The following RHD variants were observed in gnomAD, a reference collection of about 807,000 sequenced individuals.
RHD encodes Rh blood group D antigen.
Under a neutral mutation model 45.5 loss-of-function variants are expected in RHD, and 16 were observed. That is an observed-to-expected ratio of 0.35 (90% CI 0.24 to 0.53). The LOEUF (loss-of-function observed/expected upper bound fraction) is 0.53, where lower values mean the gene tolerates loss of function less well. Ranked by LOEUF, RHD falls within the 20% of genes least tolerant of loss-of-function variation. RHD has a pLI of 0.92. For missense variants in RHD, 306 were observed against 532.0 expected, an observed-to-expected ratio of 0.58 and a Z score of 4.18; for synonymous variants, 131 against 217.5, an observed-to-expected ratio of 0.60 and a Z score of 3.50.
At position 25,276,295 on chromosome 1, in the gene RHD, G is replaced by T. The variant is rs541131205; in HGVS notation, c.148+3600G>T. ...GCCAGAAAAAAGAAAAAGTACAGAA[G>T]GATTATAGAAACAAGATTGGTCTCA... On this transcript the variant is annotated intron_variant, in intron 1 of 9. Coordinates refer to ENST00000328664, the MANE Select transcript of RHD (RefSeq NM_016124.6). Among the ~76,000 whole-genome samples, 25 of 129,282 alleles carry T rather than the reference G, an allele frequency of 1.9e-4. 10 individuals are homozygous for T. Among genetic ancestry groups the T allele is most frequent in the Non-Finnish European group, 3.8e-4 (21 of 55,236 alleles). 84.8% of individuals were successfully genotyped at this position (129,282 alleles called of 152,430 possible).
chr1:25,297,170 G>T, intron 3 of RHD, among the ~76,000 whole-genome samples: 1 of 94,152 alleles, frequency 1.1e-5, no homozygotes, highest in South Asian at 3.3e-4. Flanking sequence ...TATCTTTCAT[G>T]ACCTTGACAT....
At position 25,329,686 on chromosome 1, in the gene RHD, A is replaced by T. The variant is rs1400326814; in HGVS notation, c.*762A>T. On this transcript the variant is annotated 3_prime_UTR_variant, in exon 10 of 10. Transcript: ENST00000328664. ...CTTTTTTTTTTTGAAACGGAGTCTC[A>T]CTCTGTCACCAGGCTGGAGTGCAGT... is the stretch of plus-strand genomic sequence containing the variant. 3 of 127,868 alleles carry T rather than the reference A, an allele frequency of 2.3e-5. 1 individual carries two copies. The highest frequency in any genetic ancestry group is 8.0e-5 in the African/African-American group (3 of 37,322). The allele number at this position is 127,868 out of a possible 1,614,324, so 7.9% of individuals were successfully genotyped here. A position where few individuals can be genotyped will look rare whatever the true frequency, so the allele number is the denominator to read the frequency against.
Position 25,279,930 on chromosome 1 carries a change from T to G in RHD, c.149-4643T>G, listed in dbSNP as rs1349151042. 3.1e-5 allele frequency among the ~76,000 whole-genome samples: 4 copies of G among 127,724 alleles called. No individual in the cohort carries two copies. In the East Asian group the frequency reaches 7.8e-4, roughly 25 times the overall value. The allele number at this position is 127,724 out of a possible 152,430, so 83.8% of individuals were successfully genotyped here. A position where few individuals can be genotyped will look rare whatever the true frequency, so the allele number is the denominator to read the frequency against. Reference sequence around the variant, plus strand: ...GCTGATGTGAGTGCAGAGCAGACTGTGAGAGGTGGAGGCTGATACCAGTGA... The same window carrying G: ...GCTGATGTGAGTGCAGAGCAGACTGGGAGAGGTGGAGGCTGATACCAGTGA... On this transcript the variant is annotated intron_variant, in intron 1 of 9. Transcript: ENST00000328664.
At chr1:25,303,754 C>A (rs112222730) in intron 6 of RHD, among the ~76,000 whole-genome samples, 3,890 of 130,736 alleles carry the variant, frequency 0.03, 661 homozygotes, top group African/African-American at 0.093. Context: ...TGGGGAGCCC[C>A]GAAGCCCCTG....
chr1:25,285,653 G>C (rs535952424), intron 2 of RHD, among the ~76,000 whole-genome samples: 1 of 135,304 alleles, frequency 7.4e-6, no homozygotes, highest in Non-Finnish European at 1.8e-5. Context: ...CAAAATAACC[G>C]CATGGGGTGC....
At chr1:25,287,092 C>CAAAAA (rs1642086477) in intron 2 of RHD, among the ~76,000 whole-genome samples, 1 of 134,918 alleles carries the variant, frequency 7.4e-6, no homozygotes, top group African/African-American at 2.6e-5. Flanking sequence ...GGCTCTGTCT[C>CAAAAA]AAAAACAAAA....
In RHD at chr1:25,315,454, G is replaced by C. The variant is rs1401121751; in HGVS notation, c.1074-1546G>C. Reference sequence around the variant, plus strand: ...CTGCACTCCCTACATGAGCAGCAGGGTGGCAACTCTTTTTATCTTTTTAAT... The same window carrying C: ...CTGCACTCCCTACATGAGCAGCAGGCTGGCAACTCTTTTTATCTTTTTAAT... On this transcript the variant is annotated intron_variant, in intron 7 of 9. Coordinates refer to ENST00000328664, the MANE Select transcript of RHD (RefSeq NM_016124.6). Among the ~76,000 whole-genome samples, 3 of 127,646 alleles carry C rather than the reference G, an allele frequency of 2.4e-5. 1 individual carries two copies. The highest frequency in any genetic ancestry group is 5.5e-5 in the Non-Finnish European group (3 of 54,370). The allele number at this position is 127,646 out of a possible 152,430, so 83.7% of individuals were successfully genotyped here. A position where few individuals can be genotyped will look rare whatever the true frequency, so the allele number is the denominator to read the frequency against.
At chr1:25,313,855 C>A (rs189754116) in intron 7 of RHD, among the ~76,000 whole-genome samples, 1 of 132,816 alleles carries the variant, frequency 7.5e-6, no homozygotes, top group Admixed American at 7.3e-5. Flanking sequence ...ATGAGATAAA[C>A]AACTTTGGCC....
intron 3 of RHD, among the ~76,000 whole-genome samples, chr1:25,296,614 C>T (rs72660911): frequency 7.6e-6 from 1 of 131,616 alleles, no homozygotes; most frequent in East Asian, 2.0e-4. Context: ...GTAATCCCCA[C>T]GTGTTGAGGG....
chr1:25,306,343 C>G (rs1643832643), intron 6 of RHD, among the ~76,000 whole-genome samples: 1 of 131,990 alleles, frequency 7.6e-6, no homozygotes, highest in African/African-American at 2.6e-5. Flanking sequence ...CGTAGACCAG[C>G]AGCATTGGCA....
In RHD at chr1:25,328,937, A is replaced by C. The variant is rs759458425; in HGVS notation, c.*13A>C. On this transcript the variant is annotated 3_prime_UTR_variant, in exon 10 of 10. Coordinates refer to ENST00000328664, the MANE Select transcript of RHD (RefSeq NM_016124.6). ...TGTTGGATTTTAAGCAAAAGCATCC[A>C]AGAAAAACAAGGCCTGTTCAAAAAC... The C allele has an allele frequency of 3.8e-5, 50 of 1,315,772 alleles. 10 individuals are homozygous for C. In the Admixed American group the frequency reaches 8.4e-4, roughly 22 times the overall value. 81.5% of individuals were successfully genotyped at this position (1,315,772 alleles called of 1,614,324 possible).
intron 1 of RHD, among the ~76,000 whole-genome samples, chr1:25,276,600 G>A (rs1641019497): frequency 8.1e-6 from 1 of 123,488 alleles, no homozygotes; most frequent in African/African-American, 2.9e-5. Context: ...TATAGTCCCA[G>A]CTACTCAGTA....
In RHD at chr1:25,297,713, A is replaced by T. The variant is rs1282298884; in HGVS notation, c.487-3233A>T. Among the ~76,000 whole-genome samples the T allele has an allele frequency of 2.3e-5, 3 of 132,032 alleles. 1 individual carries two copies. 86.6% of individuals were successfully genotyped at this position (132,032 alleles called of 152,430 possible). The stretch of plus-strand genomic sequence containing the variant: ...CATTTTCTGCCTTTTCTCTCTGCTT[A>T]ATATAAGGATTAATGAGAACTCCCT... On this transcript the variant is annotated intron_variant, in intron 3 of 9. Transcript: ENST00000328664.
chr1:25,319,116 G>A (rs1644564377), intron 8 of RHD, among the ~76,000 whole-genome samples: 1 of 132,452 alleles, frequency 7.5e-6, no homozygotes, highest in South Asian at 2.3e-4. Context: ...TGGCAACCCT[G>A]TCCTGGGACT....
chr1:25,282,455 G>A lies in RHD; in HGVS notation c.149-2118G>A, dbSNP rs568581465. On this transcript the variant is annotated intron_variant, in intron 1 of 9. Coordinates refer to ENST00000328664, the MANE Select transcript of RHD (RefSeq NM_016124.6). ...TCACCATGTTGGCCAGGCTAGTCTCGAACTGCTGACTTCATGATCTGCCCA... is the reference window on the plus strand; with the variant it reads ...TCACCATGTTGGCCAGGCTAGTCTCAAACTGCTGACTTCATGATCTGCCCA... 2.7e-4 allele frequency among the ~76,000 whole-genome samples: 35 copies of A among 130,880 alleles called. 9 individuals are homozygous for A. Among genetic ancestry groups the A allele is most frequent in the Non-Finnish European group, 6.1e-4 (34 of 55,448 alleles). 85.9% of individuals were successfully genotyped at this position (130,880 alleles called of 152,430 possible).
Position 25,301,110 on chromosome 1 carries a change from G to C in RHD, c.634+17G>C. On this transcript the variant is annotated intron_variant, in intron 4 of 9. Coordinates refer to ENST00000328664, the MANE Select transcript of RHD (RefSeq NM_016124.6). ...CCATGCTGGGTAAGGACAAGGTGGG[G>C]TGAGTGGTCTCCTACTTGGGCTGAG... 1 of 1,374,436 alleles carries C rather than the reference G, an allele frequency of 7.3e-7. No individual in the cohort carries two copies. Among genetic ancestry groups the C allele is most frequent in the Non-Finnish European group, 1.0e-6 (1 of 977,070 alleles). 85.1% of individuals were successfully genotyped at this position (1,374,436 alleles called of 1,614,324 possible).
chr1:25,285,236 G>A (rs1641870091), intron 2 of RHD, among the ~76,000 whole-genome samples: 1 of 132,702 alleles, frequency 7.5e-6, no homozygotes, highest in Non-Finnish European at 1.8e-5. Flanking sequence ...CTGGGTTCAA[G>A]CGATTCTCCT....
rs1310302398 is a variant in RHD at position 25,287,655 on chromosome 1, TA to T, written c.335+2898del. On this transcript the variant is annotated intron_variant, in intron 2 of 9. Transcript: ENST00000328664. Reference sequence around the variant, plus strand: ...GTTGTTTGTTTTCCTCACATACTGATAACTTAGCAAATGGCTATTGGAGCAA... The same window carrying T: ...GTTGTTTGTTTTCCTCACATACTGATACTTAGCAAATGGCTATTGGAGCAA... Among the ~76,000 whole-genome samples, 15 of 135,676 alleles carry T rather than the reference TA, an allele frequency of 1.1e-4. 2 individuals are homozygous for T. Among genetic ancestry groups the T allele is most frequent in the African/African-American group, 2.8e-4 (11 of 39,376 alleles). The allele number at this position is 135,676 out of a possible 152,430, so 89.0% of individuals were successfully genotyped here.
chr1:25,314,887 T>C (rs116051374), intron 7 of RHD, among the ~76,000 whole-genome samples: 1,684 of 131,274 alleles, frequency 0.013, 227 homozygotes, highest in African/African-American at 0.041. Flanking sequence ...GTTCCCTTTA[T>C]GTTTAGTTCT....
Sources: allele counts gnomAD v4.1 joint callset (sites outside exome capture counted in the v4.1 genomes callset), GRCh38; gene constraint gnomAD v4.1.1; transcripts MANE v1.5; gene names NCBI Gene and HGNC (gene_info 2026-07-23, HGNC 2026-07-21).